EIF4A2: variants seen among roughly 807,000 people sequenced by gnomAD.
The protein encoded by EIF4A2 is eukaryotic initiation factor 4A-II.
A neutral mutation model predicts 50.6 loss-of-function variants in EIF4A2; 9 were observed. The observed-to-expected ratio is 0.18, with a 90% CI of 0.11 to 0.31. EIF4A2 has a LOEUF of 0.31. Ranked by LOEUF, EIF4A2 falls within the 10% of genes least tolerant of loss-of-function variation. The pLI, the probability that EIF4A2 is intolerant of heterozygous loss-of-function variation, is 1.00. For missense variants in EIF4A2, 182 were observed against 501.8 expected, an observed-to-expected ratio of 0.36 and a Z score of 6.09; for synonymous variants, 215 against 164.4, an observed-to-expected ratio of 1.31 and a Z score of -2.35.
chr3:186,784,156 T>C, intron 1 of EIF4A2: 1 of 537,060 alleles, frequency 1.9e-6, no homozygotes, highest in East Asian at 3.2e-5. Flanking sequence ...GCTTGCGCAT[T>C]GTTGGGGGCG....
rs201168774 is a variant in EIF4A2, at chr3:186,787,207, C to A, written c.852C>A (p.Arg284=). 13 of 1,614,124 alleles carry A rather than the reference C, an allele frequency of 8.1e-6. No individual in the cohort carries two copies. Among genetic ancestry groups the A allele is most frequent in the African/African-American group, 8.0e-5 (6 of 75,014 alleles). Residue 284 remains arginine (R), a synonymous_variant, in exon 8 of 11, where the codon CGC becomes CGA. Transcript: ENST00000323963. The part of the protein sequence containing the change: ...TQAVIFLNTR[R]KVDWLTEKMH... ...CTGTTATTTTTCTCAATACGAGGCG[C>A]AAGGTGGACTGGCTGACTGAGAAGA...
intron 7 of EIF4A2, chr3:186,786,867 G>A: frequency 1.1e-6 from 1 of 881,256 alleles, no homozygotes; most frequent in East Asian, 2.4e-5. Context: ...AGACCTAACA[G>A]AATGAAGTTA....
At position 186,786,787 on chromosome 3, in the gene EIF4A2, A is replaced by T. The variant is rs757442610; in HGVS notation, c.771+142A>T. On this transcript the variant is annotated intron_variant, in intron 7 of 10. Coordinates refer to ENST00000323963, the MANE Select transcript of EIF4A2 (RefSeq NM_001967.4). ...AAGAAAAGTAACAGCACTAGATTGT[A>T]AAGACTGGGGTGGACCTCTTTCTTA... is the stretch of plus-strand genomic sequence containing the variant. The T allele has an allele frequency of 2.5e-6, 3 of 1,192,144 alleles. No individual in the cohort carries two copies. The African/African-American group carries it at 4.5e-5, about 18-fold the overall frequency. 73.8% of individuals were successfully genotyped at this position (1,192,144 alleles called of 1,614,324 possible).
At position 186,783,577 on chromosome 3, in the gene EIF4A2, C is replaced by T. The variant is rs368938056; in HGVS notation, c.-34C>T. On this transcript the variant is annotated 5_prime_UTR_variant, in exon 1 of 11. Coordinates refer to ENST00000323963, the MANE Select transcript of EIF4A2 (RefSeq NM_001967.4). ...AAAACGGGTGGTTGGGCGCCGCTGTCTTTTCAGTCGGGCGCTGAGTGGTTT... is the reference window on the plus strand; with the variant it reads ...AAAACGGGTGGTTGGGCGCCGCTGTTTTTTCAGTCGGGCGCTGAGTGGTTT... 68 of 1,614,156 alleles carry T rather than the reference C, an allele frequency of 4.2e-5. No individual in the cohort carries two copies. Among genetic ancestry groups the T allele is most frequent in the African/African-American group, 1.6e-4 (12 of 75,036 alleles).
chr3:186,787,449 A>G (rs772707145), intron 8 of EIF4A2, 46 bp from the exon 9 acceptor site: 17 of 1,611,948 alleles, frequency 1.1e-5, no homozygotes, highest in Admixed American at 1.7e-5. Context: ...AAAATTAAAT[A>G]CCGACCTGAC....
intron 1 of EIF4A2, chr3:186,784,048 T>G (rs1408704097): frequency 2.4e-6 from 1 of 423,978 alleles, no homozygotes; most frequent in African/African-American, 2.0e-5. Flanking sequence ...GGCAGCGGTC[T>G]CCACTCGGCC....
At chr3:186,788,065 A>G in intron 10 of EIF4A2, 183 bp downstream of exon 10, 4 of 753,468 alleles carry the variant, frequency 5.3e-6, no homozygotes, top group Non-Finnish European at 8.4e-6. Context: ...ACTTGTAAAC[A>G]TTGCCCAGAT....
intron 3 of EIF4A2, 89 bp downstream of exon 3, chr3:186,784,785 T>A: frequency 6.2e-7 from 1 of 1,605,370 alleles, no homozygotes; most frequent in South Asian, 1.1e-5. Flanking sequence ...AGCACCTGTT[T>A]GTATTCCTTA....
At chr3:186,784,365 C>T (rs972345262) in intron 1 of EIF4A2, 67 bp from the exon 2 acceptor site, 2 of 1,611,892 alleles carry the variant, frequency 1.2e-6, no homozygotes, top group Non-Finnish European at 1.7e-6. Flanking sequence ...TTGCAAAGGG[C>T]TATGCGCTTA....
rs1316638103 is a variant in EIF4A2, at chr3:186,789,664, G to GTCAT, written c.*397_*400dup. On this transcript the variant is annotated 3_prime_UTR_variant, in exon 11 of 11. Transcript: ENST00000323963. ...TAGCATATCTGCCTTTATTGTGTTTGTCATTAGCCTGAGTAGAAAGGCCTT... is the reference window on the plus strand; with the variant it reads ...TAGCATATCTGCCTTTATTGTGTTTGTCATTCATTAGCCTGAGTAGAAAGGCCTT... 8.7e-5 allele frequency: 31 copies of GTCAT among 355,712 alleles called. No individual in the cohort carries two copies. The Admixed American group carries it at 1.1e-3, about 13-fold the overall frequency. The allele number at this position is 355,712 out of a possible 1,614,324, so 22.0% of individuals were successfully genotyped here.
chr3:186,788,061 A>G, intron 10 of EIF4A2, 179 bp downstream of exon 10: 1 of 771,760 alleles, frequency 1.3e-6, no homozygotes, highest in Non-Finnish European at 2.0e-6. Flanking sequence ...GAAAACTTGT[A>G]AACATTGCCC....
In EIF4A2 at chr3:186,789,391, AATACAGATTTTG is replaced by A. The variant is rs1721989404; in HGVS notation, c.*126_*137del. The stretch of plus-strand genomic sequence containing the variant: ...GTCTCAATGCTCATAACGGATCAGA[AATACAGATTTTG>A]ATAGCAAAGCGACGTTAGTCGTGAG... On this transcript the variant is annotated 3_prime_UTR_variant, in exon 11 of 11. Coordinates refer to ENST00000323963, the MANE Select transcript of EIF4A2 (RefSeq NM_001967.4). 1 of 1,381,942 alleles carries A rather than the reference AATACAGATTTTG, an allele frequency of 7.2e-7. No individual in the cohort carries two copies. The allele number at this position is 1,381,942 out of a possible 1,614,324, so 85.6% of individuals were successfully genotyped here. A position where few individuals can be genotyped will look rare whatever the true frequency, so the allele number is the denominator to read the frequency against.
chr3:186,788,533 T>A (rs556629899), intron 10 of EIF4A2: 1 of 885,676 alleles, frequency 1.1e-6, no homozygotes, highest in South Asian at 2.0e-5. Flanking sequence ...TTAGGTGGTT[T>A]GTATTGTCTG....
At position 186,783,594 on chromosome 3, in the gene EIF4A2, G is replaced by C; in HGVS notation, c.-17G>C. The C allele has an allele frequency of 6.2e-7, 1 of 1,614,194 alleles. No individual in the cohort carries two copies. Among genetic ancestry groups the C allele is most frequent in the Non-Finnish European group, 8.5e-7 (1 of 1,180,030 alleles). On this transcript the variant is annotated 5_prime_UTR_variant, in exon 1 of 11. Coordinates refer to ENST00000323963, the MANE Select transcript of EIF4A2 (RefSeq NM_001967.4). ...GCCGCTGTCTTTTCAGTCGGGCGCT[G>C]AGTGGTTTTTCGGATCATGTCTGGT...
At chr3:186,787,754 G>A (rs756315182) in intron 9 of EIF4A2, 49 bp from the exon 10 acceptor site, 6 of 1,610,490 alleles carry the variant, frequency 3.7e-6, no homozygotes, top group Non-Finnish European at 5.1e-6. Flanking sequence ...TACATGACAG[G>A]TGTCAAGTTT....
chr3:186,784,312 G>C, intron 1 of EIF4A2, 120 bp from the exon 2 acceptor site: 1 of 1,428,938 alleles, frequency 7.0e-7, no homozygotes, highest in Non-Finnish European at 9.8e-7. Flanking sequence ...CCCTGAGGCT[G>C]CTGCTTTAGC....
chr3:186,784,188 C>T, intron 1 of EIF4A2: 2 of 583,902 alleles, frequency 3.4e-6, no homozygotes, highest in Non-Finnish European at 6.0e-6. Context: ...TCCGAGCTCT[C>T]GCGAGACGCT....
intron 3 of EIF4A2, 102 bp from the exon 4 acceptor site, chr3:186,784,860 C>T (rs770682987): frequency 6.9e-6 from 11 of 1,602,462 alleles, no homozygotes; most frequent in Middle Eastern, 3.3e-4. Context: ...CATTGCTGAT[C>T]ACTTGATTAT....
chr3:186,783,663 G>A, intron 1 of EIF4A2, 24 bp downstream of exon 1: 1 of 1,614,092 alleles, frequency 6.2e-7, no homozygotes. Context: ...TGGCGGTCGC[G>A]GTCTGTAGTG....
Sources: allele counts gnomAD v4.1 joint callset, GRCh38; gene constraint gnomAD v4.1.1; transcripts MANE v1.5; gene names NCBI Gene and HGNC (gene_info 2026-07-23, HGNC 2026-07-21).